PCDHGA1: variants seen among roughly 807,000 people sequenced by gnomAD.
PCDHGA1 encodes the protein protocadherin gamma subfamily A, 1.
PCDHGA1 carries 32 observed loss-of-function variants against 58.0 expected under a neutral mutation model. The observed-to-expected ratio is 0.55, with a 90% CI of 0.42 to 0.74. PCDHGA1 has a LOEUF of 0.74. PCDHGA1 is among the 30% of genes least tolerant of loss of function. The pLI is 0.00. For missense variants in PCDHGA1, 1,205 were observed against 1,182.3 expected (o/e 1.02, Z -0.28); for synonymous variants, 498 against 501.1 (o/e 0.99, Z 0.08).
At chr5:141,380,577 C>T (rs187039576) in intron 1 of PCDHGA1, among the ~76,000 whole-genome samples, 268 of 152,102 alleles carry the variant, frequency 1.8e-3, no homozygotes, top group African/African-American at 5.8e-3. Flanking sequence ...CATATCTTGG[C>T]GGTCTAGTAA....
chr5:141,366,787 T>C, intron 1 of PCDHGA1: 1 of 1,572,004 alleles, frequency 6.4e-7, no homozygotes, highest in Non-Finnish European at 8.6e-7. Flanking sequence ...GACCAGAACA[T>C]TTTCATTTGT....
intron 2 of PCDHGA1, among the ~76,000 whole-genome samples, chr5:141,503,334 C>T (rs2099819255): frequency 6.6e-6 from 1 of 152,072 alleles, no homozygotes; most frequent in Admixed American, 6.6e-5. Context: ...CGGTGGCTCA[C>T]GCCTGTAATT....
Position 141,433,020 on chromosome 5 carries a change from C to T in PCDHGA1, c.2422-61787C>T, listed in dbSNP as rs761127608. 1.1e-5 allele frequency: 17 copies of T among 1,614,152 alleles called. No individual in the cohort carries two copies. The South Asian group carries it at 1.9e-4, about 18-fold the overall frequency. On this transcript the variant is annotated intron_variant, in intron 1 of 3. Coordinates refer to ENST00000517417, the MANE Select transcript of PCDHGA1 (RefSeq NM_018912.3). ...GTGCAGGCTTTCCTGCAGACCTATTCCCACGAGGTTTCCCTCACCACGGAC... is the reference window on the plus strand; with the variant it reads ...GTGCAGGCTTTCCTGCAGACCTATTTCCACGAGGTTTCCCTCACCACGGAC...
In PCDHGA1 at chr5:141,431,140, C is replaced by G. The variant is rs145692116; in HGVS notation, c.2422-63667C>G. The G allele has an allele frequency of 6.2e-7, 1 of 1,614,208 alleles. No individual in the cohort carries two copies. The highest frequency in any genetic ancestry group is 1.7e-5 in the Admixed American group (1 of 60,038). On this transcript the variant is annotated intron_variant, in intron 1 of 3. Transcript: ENST00000517417. This position sits in a 1 kb window ranked among gnomAD's most constrained non-coding sequence, Gnocchi z 4.8. The stretch of plus-strand genomic sequence containing the variant: ...TAGAAGTAGAAGTAAGGGACATTAA[C>G]GACAATGCGCCTTACTTTCGTGAAA...
At chr5:141,422,044 G>A (rs780284162) in intron 1 of PCDHGA1, 1 of 1,611,530 alleles carries the variant, frequency 6.2e-7, no homozygotes, top group Non-Finnish European at 8.5e-7. Flanking sequence ...TCCAGACGAG[G>A]GAATCAACGG....
intron 1 of PCDHGA1, chr5:141,430,838 G>C (rs866767896): frequency 1.3e-6 from 2 of 1,563,026 alleles, no homozygotes; most frequent in Middle Eastern, 1.7e-4. Context: ...GTGGGAGACC[G>C]GATGCACCCA....
intron 1 of PCDHGA1, among the ~76,000 whole-genome samples, chr5:141,348,338 CA>C (rs1758100180): frequency 6.6e-6 from 1 of 152,092 alleles, no homozygotes; most frequent in Admixed American, 6.5e-5. Flanking sequence ...GGCCCATAGC[CA>C]GGGGAGGACT....
At chr5:141,348,897 T>C (rs1423710494) in intron 1 of PCDHGA1, among the ~76,000 whole-genome samples, 1 of 152,158 alleles carries the variant, frequency 6.6e-6, no homozygotes, top group African/African-American at 2.4e-5. Context: ...TGGTAATGCA[T>C]TTGAAATAAA....
intron 1 of PCDHGA1, among the ~76,000 whole-genome samples, chr5:141,353,336 T>A (rs1759250755): frequency 6.6e-6 from 1 of 152,230 alleles, no homozygotes; most frequent in Admixed American, 6.5e-5. Context: ...CAAGTTAAAG[T>A]TCATCAATTA....
intron 1 of PCDHGA1, chr5:141,371,288 G>A (rs780665474): frequency 3.1e-6 from 5 of 1,613,992 alleles, no homozygotes; most frequent in Non-Finnish European, 4.2e-6. Flanking sequence ...ACAGTAAAAC[G>A]GGGGAACTCA....
In PCDHGA1 at chr5:141,404,936, G is replaced by A. The variant is rs755365273; in HGVS notation, c.2421+71831G>A. ...TCTCTCGGCCACTGTCACGCTCACA[G>A]TAGCCATAGCTGACAGCATCCCAGA... is the stretch of plus-strand genomic sequence containing the variant. On this transcript the variant is annotated intron_variant, in intron 1 of 3. Coordinates refer to ENST00000517417, the MANE Select transcript of PCDHGA1 (RefSeq NM_018912.3). 1.9e-6 allele frequency: 3 copies of A among 1,613,858 alleles called. No individual in the cohort carries two copies. The South Asian group carries it at 3.3e-5, about 18-fold the overall frequency.
intron 1 of PCDHGA1, chr5:141,420,902 A>T (rs1202945278): frequency 3.4e-6 from 1 of 293,976 alleles, no homozygotes; most frequent in Non-Finnish European, 6.3e-6. Context: ...TAAGCTCTAC[A>T]AATACGTGTG....
At chr5:141,420,824 C>T (rs1282369085) in intron 1 of PCDHGA1, among the ~76,000 whole-genome samples, 1 of 152,216 alleles carries the variant, frequency 6.6e-6, no homozygotes, top group Admixed American at 6.5e-5. Context: ...TTAATAATTA[C>T]TCCTTTCGCA....
intron 1 of PCDHGA1, chr5:141,441,337 T>A (rs980210130): frequency 6.6e-6 from 1 of 152,112 alleles, no homozygotes; most frequent in African/African-American, 2.4e-5. Flanking sequence ...CTCCAATAAT[T>A]AACTACATGC....
At chr5:141,405,008 G>A in intron 1 of PCDHGA1, 1 of 1,614,000 alleles carries the variant, frequency 6.2e-7, no homozygotes, top group Non-Finnish European at 8.5e-7. Context: ...AGACCTGGAG[G>A]CCTCAGACCT....
intron 1 of PCDHGA1, chr5:141,393,863 G>A: frequency 6.2e-7 from 1 of 1,613,968 alleles, no homozygotes; most frequent in Non-Finnish European, 8.5e-7. Context: ...TGATCATTAC[G>A]TCTTTGTTTA....
At chr5:141,355,631 A>G in intron 1 of PCDHGA1, 1 of 1,614,036 alleles carries the variant, frequency 6.2e-7, no homozygotes, top group South Asian at 1.1e-5. Context: ...AAAGTTGCTG[A>G]AAATGAAAAT....
intron 1 of PCDHGA1, among the ~76,000 whole-genome samples, chr5:141,464,300 A>G (rs1349155102): frequency 2.0e-5 from 3 of 149,898 alleles, no homozygotes; most frequent in East Asian, 1.9e-4. Context: ...ACTCCATTGT[A>G]TGTGCACATA....
chr5:141,405,195 C>T, intron 1 of PCDHGA1: 1 of 1,613,786 alleles, frequency 6.2e-7, no homozygotes. Context: ...GGGGTTCGAG[C>T]TTTCCTACAG....
Sources: gnomAD v4.1 joint callset for allele counts (sites outside exome capture counted in the v4.1 genomes callset) on GRCh38, gnomAD v4.1.1 for gene constraint, Gnocchi (gnomAD v3.1) non-coding constraint, MANE v1.5 for transcripts, NCBI Gene and HGNC (gene_info 2026-07-23, HGNC 2026-07-21) for gene names.